The following BUB1 variants were observed in gnomAD, a reference collection of about 807,000 sequenced individuals.
BUB1 encodes BUB1 mitotic checkpoint serine/threonine kinase.
Under a neutral mutation model 135.2 loss-of-function variants are expected in BUB1, and 84 were observed. The observed-to-expected ratio is 0.62, with a 90% CI of 0.52 to 0.74. BUB1 has a LOEUF of 0.74. BUB1 is among the 30% of genes least tolerant of loss of function. The pLI is 0.00. For missense variants in BUB1, 1,162 were observed against 1,288.3 expected (o/e 0.90, Z 1.50); for synonymous variants, 403 against 434.4 (o/e 0.93, Z 0.90).
Position 110,674,476 on chromosome 2 carries a change from TATCA to T in BUB1, c.27-115_27-112del, listed in dbSNP as rs1690518709. The T allele has an allele frequency of 4.0e-5, 36 of 907,848 alleles. 1 individual carries two copies. In the South Asian group the frequency reaches 4.5e-4, roughly 11 times the overall value. The allele number at this position is 907,848 out of a possible 1,614,324, so 56.2% of individuals were successfully genotyped here. ...TGTGCATTAAAACAAAAATCTTAAA[TATCA>T]ATCATTTTATATATACACCATTTAT... On this transcript the variant is annotated intron_variant, in intron 1 of 24. Transcript: ENST00000302759.
chr2:110,667,753 C>T (rs753323584), intron 7 of BUB1, 44 bp downstream of exon 7: 7 of 1,609,894 alleles, frequency 4.3e-6, no homozygotes, highest in East Asian at 4.5e-5. Flanking sequence ...CCTAAGAGCA[C>T]TTAAAGGAAA....
chr2:110,658,268 T>G (rs1689985881), intron 13 of BUB1, 142 bp downstream of exon 13: 1 of 655,078 alleles, frequency 1.5e-6, no homozygotes, highest in African/African-American at 1.8e-5. Context: ...TGTCAAGAAC[T>G]GTCTTATTTT....
chr2:110,670,857 T>C (rs1459319867), intron 4 of BUB1, among the ~76,000 whole-genome samples: 2 of 152,218 alleles, frequency 1.3e-5, no homozygotes, highest in Non-Finnish European at 2.9e-5. Flanking sequence ...ACGTGTCAAG[T>C]CTGCAAATGT....
intron 5 of BUB1, 67 bp from the exon 6 acceptor site, chr2:110,669,620 A>G: frequency 2.0e-6 from 2 of 1,003,636 alleles, no homozygotes; most frequent in South Asian, 1.3e-5. Context: ...ATTATCACAT[A>G]ATAAATTCCC....
chr2:110,640,754 GA>G (rs2104513745), intron 23 of BUB1, among the ~76,000 whole-genome samples: 1 of 152,268 alleles, frequency 6.6e-6, no homozygotes, highest in African/African-American at 2.4e-5. Context: ...CTTCCTTTCT[GA>G]AGGGTTCACT....
rs561851896 is a variant in BUB1 at position 110,670,417 on chromosome 2, T to C, written c.466+108A>G. On this transcript the variant is annotated intron_variant, in intron 5 of 24. Transcript: ENST00000302759. ...CCTCCCAAAGTGCTGGGATTACAGGTGTGAGCCACCATGCCCAGCCGGGTT... is the reference window on the plus strand; with the variant it reads ...CCTCCCAAAGTGCTGGGATTACAGGCGTGAGCCACCATGCCCAGCCGGGTT... 1.1e-5 allele frequency: 14 copies of C among 1,280,790 alleles called. No homozygotes were observed. In the East Asian group the frequency reaches 2.1e-4, roughly 19 times the overall value. The allele number at this position is 1,280,790 out of a possible 1,614,324, so 79.3% of individuals were successfully genotyped here.
At chr2:110,650,932 A>G in intron 17 of BUB1, 148 bp from the exon 18 acceptor site, 2 of 694,324 alleles carry the variant, frequency 2.9e-6, no homozygotes, top group South Asian at 3.7e-5. Context: ...TTTTTAGACA[A>G]ACAAATCTAT....
At chr2:110,653,381 C>T in intron 17 of BUB1, 55 bp downstream of exon 17, 1 of 1,545,576 alleles carries the variant, frequency 6.5e-7, no homozygotes, top group Non-Finnish European at 8.9e-7. Flanking sequence ...AAATGGTAAA[C>T]AATGTTAGAA....
chr2:110,666,299 G>T lies in BUB1; in HGVS notation c.921C>A (p.Ser307=). 1 of 1,499,676 alleles carries T rather than the reference G, an allele frequency of 6.7e-7. No individual in the cohort carries two copies. 92.9% of individuals were successfully genotyped at this position (1,499,676 alleles called of 1,614,324 possible). The change falls in exon 9 of 25, where the codon TCC becomes TCA. Residue 307 remains serine (S), a synonymous_variant. Transcript: ENST00000302759. ...CCTGGGAAGCGGGCAGATCCTCATG[G>T]GATGTCTCCACCACCTGATGCAACT... ...HKKLHQVVET[S]HEDLPASQER...
At chr2:110,672,542 T>A (rs1690450373) in intron 4 of BUB1, 119 bp downstream of exon 4, 1 of 1,087,782 alleles carries the variant, frequency 9.2e-7, no homozygotes, top group Admixed American at 3.1e-5. Context: ...TCCTGTATTA[T>A]CCACATTGTC....
In BUB1 at chr2:110,667,724, C is replaced by T. The variant is rs766797222; in HGVS notation, c.621-19G>A. On this transcript the variant is annotated intron_variant, in intron 7 of 24. Coordinates refer to ENST00000302759, the MANE Select transcript of BUB1 (RefSeq NM_004336.5). Reference sequence around the variant, plus strand: ...TCGTTCCCTACAATGGGGGAAAATACATTATTTACAACAATGTACCTAAGA... The same window carrying T: ...TCGTTCCCTACAATGGGGGAAAATATATTATTTACAACAATGTACCTAAGA... 1 of 1,610,748 alleles carries T rather than the reference C, an allele frequency of 6.2e-7. No individual in the cohort carries two copies. The highest frequency in any genetic ancestry group is 8.5e-7 in the Non-Finnish European group (1 of 1,178,580).
chr2:110,649,472 T>C, intron 18 of BUB1, 95 bp from the exon 19 acceptor site: 1 of 1,198,220 alleles, frequency 8.3e-7, no homozygotes, highest in Non-Finnish European at 1.1e-6. Context: ...GTAGAGATAT[T>C]TACTAAGTAA....
At chr2:110,655,966 C>T in intron 15 of BUB1, 50 bp from the exon 16 acceptor site, 1 of 1,533,910 alleles carries the variant, frequency 6.5e-7, no homozygotes, top group African/African-American at 1.4e-5. Context: ...CCTCTTTAGT[C>T]CATGAAACCT....
intron 2 of BUB1, 21 bp from the exon 3 acceptor site, chr2:110,674,245 T>C: frequency 3.1e-6 from 5 of 1,611,550 alleles, no homozygotes; most frequent in Non-Finnish European, 4.2e-6. Context: ...ATGGATAATG[T>C]TAATTTTCCA....
chr2:110,676,161 T>C (rs1206543988), intron 1 of BUB1, among the ~76,000 whole-genome samples: 1 of 151,806 alleles, frequency 6.6e-6, no homozygotes, highest in African/African-American at 2.4e-5. Context: ...AATGAGCTTT[T>C]AGAAGCTGAG....
chr2:110,672,779 A>G lies in BUB1; in HGVS notation c.304T>C (p.Tyr102His). Reference sequence around the variant, plus strand: ...TCCAGATGCCCCGCCCAGGCAATGTACAGAGGGGATGACAGGGTTCCAATC... The same window carrying G: ...TCCAGATGCCCCGCCCAGGCAATGTGCAGAGGGGATGACAGGGTTCCAATC... ...HGIGTLSSPL[Y>H]IAWAGHLEAQ... is the part of the protein sequence containing the mutation. Residue 102 changes from tyrosine (Y) to histidine (H), a missense_variant, in exon 4 of 25, where the codon TAC becomes CAC. Transcript: ENST00000302759. The G allele has an allele frequency of 1.2e-6, 2 of 1,614,176 alleles. No individual in the cohort carries two copies. Among genetic ancestry groups the G allele is most frequent in the South Asian group, 1.1e-5 (1 of 91,076 alleles).
intron 1 of BUB1, chr2:110,675,202 G>A (rs928069562): frequency 2.6e-5 from 4 of 152,266 alleles, no homozygotes; most frequent in Non-Finnish European, 5.9e-5. Flanking sequence ...CCCTTGGGGA[G>A]AGCTAGAAGG....
chr2:110,674,464 A>T lies in BUB1; in HGVS notation c.27-99T>A, dbSNP rs528817727. ...ATATACCATTTATGTGCATTAAAAC[A>T]AAAATCTTAAATATCAATCATTTTA... On this transcript the variant is annotated intron_variant, in intron 1 of 24. Coordinates refer to ENST00000302759, the MANE Select transcript of BUB1 (RefSeq NM_004336.5). The T allele has an allele frequency of 1.1e-4, 116 of 1,036,224 alleles. No individual in the cohort carries two copies. The African/African-American group carries it at 1.5e-3, about 13-fold the overall frequency. 64.2% of individuals were successfully genotyped at this position (1,036,224 alleles called of 1,614,324 possible).
At chr2:110,666,848 T>G (rs571515256) in intron 8 of BUB1, among the ~76,000 whole-genome samples, 1 of 152,344 alleles carries the variant, frequency 6.6e-6, no homozygotes, top group East Asian at 1.9e-4. Context: ...AAGCATGCTG[T>G]GGTCAGTCCC....
Sources: allele counts gnomAD v4.1 joint callset (sites outside exome capture counted in the v4.1 genomes callset), GRCh38; gene constraint gnomAD v4.1.1; transcripts MANE v1.5; gene names NCBI Gene and HGNC (gene_info 2026-07-23, HGNC 2026-07-21).